Variants in LARGE1 observed in about 807,000 individuals in gnomAD.
The protein encoded by LARGE1 is LARGE xylosyl- and glucuronyltransferase 1.
Under a neutral mutation model 87.6 loss-of-function variants are expected in LARGE1, and 43 were observed. The ratio of observed to expected loss-of-function variants is 0.49; its 90% CI spans 0.38 to 0.63. LARGE1 has a LOEUF of 0.63. Ranked by LOEUF, LARGE1 falls within the 30% of genes least tolerant of loss-of-function variation. The pLI is 0.00. For synonymous variants in LARGE1, 434 were observed against 394.6 expected (o/e 1.10, Z -1.18); for missense variants, 802 against 1,000.2 (o/e 0.80, Z 2.67).
At chr22:33,699,314 C>T (rs2082340519) in intron 2 of LARGE1, among the ~76,000 whole-genome samples, 1 of 152,192 alleles carries the variant, frequency 6.6e-6, no homozygotes. Context: ...GTGTCACAGG[C>T]TTCAGTGAAA....
intron 3 of LARGE1, among the ~76,000 whole-genome samples, chr22:33,628,404 C>T (rs1251489770): frequency 5.3e-5 from 8 of 151,724 alleles, no homozygotes; most frequent in Admixed American, 1.3e-4. Context: ...GCAACCTCTG[C>T]CCCCCAGGTT....
chr22:33,315,486 T>G lies in LARGE1; in HGVS notation c.1451+599A>C, dbSNP rs958510359. The stretch of plus-strand genomic sequence containing the variant: ...AGCTCCAGTCTCCCCACTGTCCCTC[T>G]TCCTGAGGTAATTCGAGTCGGGCTC... On this transcript the variant is annotated intron_variant, in intron 11 of 14. Coordinates refer to ENST00000397394, the MANE Select transcript of LARGE1 (RefSeq NM_133642.5). 3.1e-4 allele frequency among the ~76,000 whole-genome samples: 47 copies of G among 152,214 alleles called. 1 individual carries two copies. The highest frequency in any genetic ancestry group is 6.8e-4 in the Non-Finnish European group (46 of 68,036).
At chr22:33,205,156 T>C (rs1924613978) in intron 11 of LARGE1, among the ~76,000 whole-genome samples, 1 of 152,242 alleles carries the variant, frequency 6.6e-6, no homozygotes, top group African/African-American at 2.4e-5. Context: ...TCTCAGATGC[T>C]ACCCCCTTCA....
At chr22:33,582,649 T>C (rs1180575539) in intron 5 of LARGE1, among the ~76,000 whole-genome samples, 2 of 152,218 alleles carry the variant, frequency 1.3e-5, no homozygotes, top group Non-Finnish European at 2.9e-5. Context: ...CTAGGCACCC[T>C]GGTCACCCAG....
chr22:33,490,184 T>C (rs1165194385), intron 6 of LARGE1, among the ~76,000 whole-genome samples: 1 of 152,230 alleles, frequency 6.6e-6, no homozygotes, highest in Non-Finnish European at 1.5e-5. Context: ...CATATTTATA[T>C]ATTCGGGTAA....
intron 11 of LARGE1, among the ~76,000 whole-genome samples, chr22:33,185,282 A>G (rs1046578711): frequency 6.6e-6 from 1 of 152,190 alleles, no homozygotes; most frequent in African/African-American, 2.4e-5. Context: ...GCATATTGCT[A>G]AGTGAAAGAA....
the LARGE1 span, among the ~76,000 whole-genome samples, chr22:33,081,265 C>G: frequency 6.6e-6 from 1 of 152,112 alleles, no homozygotes; most frequent in South Asian, 2.1e-4. Flanking sequence ...TTTAAATCAC[C>G]CAGTCTATGC....
At position 33,879,810 on chromosome 22, in the gene LARGE1, G is replaced by A. The variant is rs534274411; in HGVS notation, c.-83+40185C>T. 1.9e-3 allele frequency among the ~76,000 whole-genome samples: 296 copies of A among 152,338 alleles called. No individual in the cohort carries two copies. In the South Asian group the frequency reaches 0.021, roughly 11 times the overall value. On this transcript the variant is annotated intron_variant, in intron 1 of 14. Transcript: ENST00000397394. ...AGCATCAGCCTCTCTTCAAAGAAGAGGCTATGCCTAATTCATGTAGGTATC... is the reference window on the plus strand; with the variant it reads ...AGCATCAGCCTCTCTTCAAAGAAGAAGCTATGCCTAATTCATGTAGGTATC...
intron 6 of LARGE1, among the ~76,000 whole-genome samples, chr22:33,437,471 T>A (rs964437647): frequency 6.6e-6 from 1 of 152,220 alleles, no homozygotes; most frequent in African/African-American, 2.4e-5. Flanking sequence ...TACCTAATTT[T>A]TTTTTTCCTC....
intron 6 of LARGE1, among the ~76,000 whole-genome samples, chr22:33,497,859 A>G (rs1228547580): frequency 6.6e-6 from 1 of 152,108 alleles, no homozygotes; most frequent in East Asian, 1.9e-4. Context: ...AGAGTTACAG[A>G]GTGCTTACTT....
At chr22:33,336,931 CAT>C (rs1938522609) in intron 10 of LARGE1, among the ~76,000 whole-genome samples, 1 of 151,910 alleles carries the variant, frequency 6.6e-6, no homozygotes, top group East Asian at 1.9e-4. Flanking sequence ...TGTGGTGGTG[CAT>C]GCCTGTAATC....
chr22:33,473,588 C>T (rs540206614), intron 6 of LARGE1, among the ~76,000 whole-genome samples: 6 of 152,194 alleles, frequency 3.9e-5, no homozygotes, highest in South Asian at 4.2e-4. Context: ...CTCCTGACCT[C>T]GTGATCCACC....
At chr22:33,713,145 G>T (rs542225089) in intron 2 of LARGE1, among the ~76,000 whole-genome samples, 11 of 152,104 alleles carry the variant, frequency 7.2e-5, no homozygotes, top group Non-Finnish European at 1.3e-4. Flanking sequence ...AGAGTAGGGG[G>T]ATAGATATAT....
chr22:33,676,372 CAAAAAAAAAAAAAA>C (rs10567981), intron 2 of LARGE1, among the ~76,000 whole-genome samples: 26 of 16,306 alleles, frequency 1.6e-3, no homozygotes, highest in African/African-American at 3.1e-3. Context: ...GATTCAATGG[CAAAAAAAAAAAAAA>C]AAAAAAAAAA....
intron 2 of LARGE1, among the ~76,000 whole-genome samples, chr22:33,745,876 C>A (rs1219283285): frequency 6.6e-6 from 1 of 152,100 alleles, no homozygotes; most frequent in Non-Finnish European, 1.5e-5. Context: ...AGGGAGAGGA[C>A]CAACTCTACC....
intron 1 of LARGE1, among the ~76,000 whole-genome samples, chr22:33,762,045 G>A (rs981401620): frequency 2.6e-5 from 4 of 151,710 alleles, no homozygotes; most frequent in Admixed American, 6.6e-5. Flanking sequence ...GTGAAACCCC[G>A]TCTGTACTAA....
intron 11 of LARGE1, among the ~76,000 whole-genome samples, chr22:33,252,814 C>T (rs1388242563): frequency 6.6e-6 from 1 of 152,116 alleles, no homozygotes; most frequent in Non-Finnish European, 1.5e-5. Context: ...GCTTAAAGAA[C>T]AGAATTTAGG....
chr22:33,700,898 G>A (rs2082387717), intron 2 of LARGE1, among the ~76,000 whole-genome samples: 1 of 152,246 alleles, frequency 6.6e-6, no homozygotes, highest in African/African-American at 2.4e-5. Flanking sequence ...GGAGGGACAG[G>A]AGGGTGTAGC....
intron 10 of LARGE1, chr22:33,322,649 C>T (rs1175839382): frequency 2.0e-5 from 3 of 152,136 alleles, no homozygotes; most frequent in Non-Finnish European, 2.9e-5. Context: ...TACACCTTGC[C>T]CTAGTGGGAT....
Sources: allele counts gnomAD v4.1 joint callset (sites outside exome capture counted in the v4.1 genomes callset), GRCh38; gene constraint gnomAD v4.1.1; transcripts MANE v1.5; gene names NCBI Gene and HGNC (gene_info 2026-07-23, HGNC 2026-07-21).